SDK2: variants seen among roughly 807,000 people sequenced by gnomAD.
The protein encoded by SDK2 is protein sidekick-2.
SDK2 carries 105 observed loss-of-function variants against 253.9 expected under a neutral mutation model. That is an observed-to-expected ratio of 0.41 (90% CI 0.35 to 0.49). SDK2 has a LOEUF of 0.49. SDK2 is among the 20% of genes least tolerant of loss of function. The probability of loss-of-function intolerance (pLI) is 0.06; values close to 1 mark genes in which losing one functional copy is unlikely to be tolerated. For missense variants in SDK2, 2,608 were observed against 3,003.0 expected, an observed-to-expected ratio of 0.87 and a Z score of 3.07; for synonymous variants, 1,249 against 1,234.9, an observed-to-expected ratio of 1.01 and a Z score of -0.24.
At chr17:73,564,583 G>C (rs1354984201) in intron 1 of SDK2, among the ~76,000 whole-genome samples, 5 of 152,182 alleles carry the variant, frequency 3.3e-5, no homozygotes, top group Non-Finnish European at 7.3e-5. Flanking sequence ...CCAGCACTTT[G>C]GGAGGTCGAG....
chr17:73,627,337 T>G (rs180682318), intron 1 of SDK2, among the ~76,000 whole-genome samples: 6 of 152,296 alleles, frequency 3.9e-5, no homozygotes, highest in Admixed American at 3.9e-4. Flanking sequence ...TAAAATAACA[T>G]GCCTTATAAT....
At chr17:73,458,080 G>A (rs2063540252) in intron 3 of SDK2, among the ~76,000 whole-genome samples, 1 of 152,262 alleles carries the variant, frequency 6.6e-6, no homozygotes, top group South Asian at 2.1e-4. Flanking sequence ...TTGGGCTCAA[G>A]CAATCCTTCC....
intron 1 of SDK2, among the ~76,000 whole-genome samples, chr17:73,625,375 C>T (rs957353430): frequency 6.6e-6 from 1 of 152,200 alleles, no homozygotes; most frequent in African/African-American, 2.4e-5. Context: ...GTCCCCTGGC[C>T]TTGTCAGCCC....
At position 73,616,563 on chromosome 17, in the gene SDK2, C is replaced by A. The variant is rs1287132695; in HGVS notation, c.64+27462G>T. ...CTGAATTACCACGTGGCAGCAGATC[C>A]TTTTTCTGGAGTAATGGAATCTTAG... On this transcript the variant is annotated intron_variant, in intron 1 of 44. Coordinates refer to ENST00000392650, the MANE Select transcript of SDK2 (RefSeq NM_001144952.2). The surrounding 1 kb of genome is among the most constrained non-coding windows in gnomAD (Gnocchi z 5.2). Among the ~76,000 whole-genome samples the A allele has an allele frequency of 6.6e-6, 1 of 152,156 alleles. No homozygotes were observed. Among genetic ancestry groups the A allele is most frequent in the Non-Finnish European group, 1.5e-5 (1 of 68,042 alleles).
At chr17:73,526,628 T>C (rs2064128023) in intron 1 of SDK2, among the ~76,000 whole-genome samples, 1 of 151,944 alleles carries the variant, frequency 6.6e-6, no homozygotes, top group Non-Finnish European at 1.5e-5. Context: ...TGTGTGTACA[T>C]AGGTGTGTGT....
Position 73,616,547 on chromosome 17 carries a change from C to T in SDK2, c.64+27478G>A, listed in dbSNP as rs2046060345. On this transcript the variant is annotated intron_variant, in intron 1 of 44. Coordinates refer to ENST00000392650, the MANE Select transcript of SDK2 (RefSeq NM_001144952.2). This position sits in a 1 kb window ranked among gnomAD's most constrained non-coding sequence, Gnocchi z 5.2. The stretch of plus-strand genomic sequence containing the variant: ...TGTTTCGTTCTCCTGGCTGAATTAC[C>T]ACGTGGCAGCAGATCCTTTTTCTGG... 1.3e-5 allele frequency among the ~76,000 whole-genome samples: 2 copies of T among 152,168 alleles called. No homozygotes were observed. The highest frequency in any genetic ancestry group is 1.3e-4 in the Admixed American group (2 of 15,284).
intron 2 of SDK2, among the ~76,000 whole-genome samples, chr17:73,486,517 G>A (rs1277087957): frequency 6.6e-6 from 1 of 151,232 alleles, no homozygotes; most frequent in Non-Finnish European, 1.5e-5. Context: ...GGCTGAGGAA[G>A]GAGGATTGCT....
chr17:73,369,107 T>G (rs1401355457), intron 36 of SDK2: 1 of 465,770 alleles, frequency 2.1e-6, no homozygotes, highest in Non-Finnish European at 4.5e-6. Context: ...GACAGTAAAC[T>G]CCAGGGCATG....
intron 1 of SDK2, among the ~76,000 whole-genome samples, chr17:73,562,938 C>T (rs1243580749): frequency 1.3e-5 from 2 of 152,228 alleles, no homozygotes; most frequent in Non-Finnish European, 2.9e-5. Context: ...TAGGGCTGTG[C>T]TGAAGCTGGA....
chr17:73,619,053 G>T (rs1282768733), intron 1 of SDK2, among the ~76,000 whole-genome samples: 1 of 151,858 alleles, frequency 6.6e-6, no homozygotes, highest in Non-Finnish European at 1.5e-5. Flanking sequence ...TGTAATTCCA[G>T]CTACTCAGGA....
chr17:73,578,832 C>G (rs2145878880), intron 1 of SDK2, among the ~76,000 whole-genome samples: 1 of 152,290 alleles, frequency 6.6e-6, no homozygotes, highest in South Asian at 2.1e-4. Flanking sequence ...GACCCCACTT[C>G]CCATTCGAAG....
Position 73,422,445 on chromosome 17 carries a change from A to T in SDK2, c.1898-11T>A. 1.9e-6 allele frequency: 3 copies of T among 1,613,366 alleles called. No individual in the cohort carries two copies. The highest frequency in any genetic ancestry group is 1.7e-6 in the Non-Finnish European group (2 of 1,179,438). On this transcript the variant is annotated splice_polypyrimidine_tract_variant and intron_variant, in intron 14 of 44. Coordinates refer to ENST00000392650, the MANE Select transcript of SDK2 (RefSeq NM_001144952.2). ...CAGTCCAGGGGGCATCTGCAGGGAC[A>T]GTGAGTGGGGCAGAAGTGGGTATCT... is the stretch of plus-strand genomic sequence containing the variant.
At chr17:73,585,050 G>A (rs1028214847) in intron 1 of SDK2, among the ~76,000 whole-genome samples, 2 of 152,236 alleles carry the variant, frequency 1.3e-5, no homozygotes, top group African/African-American at 4.8e-5. Context: ...CTCTGCCATG[G>A]GGAAGTCAGG....
chr17:73,338,544 G>C lies in SDK2; in HGVS notation c.*43C>G. ...GGCAGTGAGAGGAGGGGTGAAGGAGGAGTTTGGTGCCATTTCTCTTTCTGC... is the reference window on the plus strand; with the variant it reads ...GGCAGTGAGAGGAGGGGTGAAGGAGCAGTTTGGTGCCATTTCTCTTTCTGC... On this transcript the variant is annotated 3_prime_UTR_variant, in exon 45 of 45. Coordinates refer to ENST00000392650, the MANE Select transcript of SDK2 (RefSeq NM_001144952.2). This position sits in a 1 kb window ranked among gnomAD's most constrained non-coding sequence, Gnocchi z 5.0. 8.5e-7 allele frequency: 1 copy of C among 1,172,608 alleles called. No individual in the cohort carries two copies. Among genetic ancestry groups the C allele is most frequent in the South Asian group, 1.5e-5 (1 of 67,840 alleles). 72.6% of individuals were successfully genotyped at this position (1,172,608 alleles called of 1,614,324 possible).
At chr17:73,554,939 T>C (rs1336512815) in intron 1 of SDK2, among the ~76,000 whole-genome samples, 2 of 152,238 alleles carry the variant, frequency 1.3e-5, no homozygotes, top group African/African-American at 4.8e-5. Context: ...CCTGAGTCTC[T>C]TCCATCTTCA....
At chr17:73,464,360 G>A (rs891771355) in intron 3 of SDK2, among the ~76,000 whole-genome samples, 10 of 152,154 alleles carry the variant, frequency 6.6e-5, no homozygotes, top group African/African-American at 2.4e-4. Context: ...AAGCCCTCTT[G>A]CCTGCCACCA....
chr17:73,394,352 G>T, intron 25 of SDK2, 28 bp from the exon 26 acceptor site: 1 of 1,473,544 alleles, frequency 6.8e-7, no homozygotes, highest in African/African-American at 1.4e-5. Flanking sequence ...TGGAGAGAAG[G>T]CACTCAGGAC....
intron 10 of SDK2, among the ~76,000 whole-genome samples, chr17:73,432,985 C>G (rs536803005): frequency 6.6e-6 from 1 of 152,062 alleles, no homozygotes; most frequent in South Asian, 2.1e-4. Context: ...TTGCTGGTTC[C>G]GCCATCTGGA....
intron 18 of SDK2, among the ~76,000 whole-genome samples, chr17:73,404,977 G>A (rs1046505619): frequency 5.3e-5 from 8 of 151,698 alleles, no homozygotes; most frequent in African/African-American, 1.9e-4. Context: ...TGGGACTCAC[G>A]GAAAGTCACT....
Sources: gnomAD v4.1 joint callset for allele counts (sites outside exome capture counted in the v4.1 genomes callset) on GRCh38, gnomAD v4.1.1 for gene constraint, Gnocchi (gnomAD v3.1) non-coding constraint, MANE v1.5 for transcripts, NCBI Gene and HGNC (gene_info 2026-07-23, HGNC 2026-07-21) for gene names.